The following ADCY2 variants were observed in gnomAD, a reference collection of about 807,000 sequenced individuals.
ADCY2 encodes the protein adenylate cyclase 2, also known as adenylate cyclase type 2.
A neutral mutation model predicts 125.2 loss-of-function variants in ADCY2; 31 were observed. The ratio of observed to expected loss-of-function variants is 0.25; its 90% confidence interval spans 0.19 to 0.33. The LOEUF (loss-of-function observed/expected upper bound fraction) is 0.33. Among genes scored for constraint, ADCY2 ranks in the 10% least tolerant of loss-of-function variants. The probability of loss-of-function intolerance (pLI) is 1.00; values close to 1 mark genes in which losing one functional copy is unlikely to be tolerated. For missense variants in ADCY2, 904 were observed against 1,418.2 expected (o/e 0.64, Z 5.82); for synonymous variants, 512 against 548.4 (o/e 0.93, Z 0.93).
At chr5:7,812,880 A>G (rs1021645751) in intron 22 of ADCY2, among the ~76,000 whole-genome samples, 8 of 152,190 alleles carry the variant, frequency 5.3e-5, no homozygotes, top group Non-Finnish European at 1.0e-4. Context: ...AGTGCACTCC[A>G]GCCTGGGCTA....
At chr5:7,436,010 T>C (rs1740785846) in intron 2 of ADCY2, among the ~76,000 whole-genome samples, 1 of 152,224 alleles carries the variant, frequency 6.6e-6, no homozygotes. Flanking sequence ...TTTCCATTAT[T>C]TGCAGGTTCC....
intron 7 of ADCY2, among the ~76,000 whole-genome samples, chr5:7,704,564 T>C (rs1311377155): frequency 6.6e-6 from 1 of 152,088 alleles, no homozygotes; most frequent in Non-Finnish European, 1.5e-5. Context: ...ATCATGTAAA[T>C]TGAATATACA....
chr5:7,772,573 A>C (rs1209935602), intron 17 of ADCY2, among the ~76,000 whole-genome samples: 1 of 152,232 alleles, frequency 6.6e-6, no homozygotes, highest in Non-Finnish European at 1.5e-5. Context: ...ACTTACATTT[A>C]AGGAATGTAT....
At chr5:7,523,991 T>A (rs1330976144) in intron 3 of ADCY2, among the ~76,000 whole-genome samples, 1 of 152,226 alleles carries the variant, frequency 6.6e-6, no homozygotes, top group Non-Finnish European at 1.5e-5. Flanking sequence ...ACGTAGAACT[T>A]ATCTGTTAAT....
At chr5:7,422,022 ATTT>A (rs1421098063) in intron 2 of ADCY2, among the ~76,000 whole-genome samples, 1 of 152,166 alleles carries the variant, frequency 6.6e-6, no homozygotes, top group African/African-American at 2.4e-5. Flanking sequence ...GATGTTGTTG[ATTT>A]ATCTCTGCCC....
intron 2 of ADCY2, among the ~76,000 whole-genome samples, chr5:7,452,823 G>C (rs780695178): frequency 2.3e-4 from 35 of 152,054 alleles, no homozygotes; most frequent in Non-Finnish European, 1.9e-4. Flanking sequence ...TCTCATTGTG[G>C]CTTTAATTTG....
At chr5:7,738,426 A>G (rs1742309877) in intron 14 of ADCY2, among the ~76,000 whole-genome samples, 1 of 152,066 alleles carries the variant, frequency 6.6e-6, no homozygotes. Flanking sequence ...ACAGAAAAAC[A>G]AAAATAAATG....
chr5:7,748,402 A>T (rs1257837444), intron 15 of ADCY2, among the ~76,000 whole-genome samples: 1 of 152,188 alleles, frequency 6.6e-6, no homozygotes, highest in Non-Finnish European at 1.5e-5. Context: ...GAACCTAGAG[A>T]TAACCTCATC....
chr5:7,447,654 T>C (rs1239217664), intron 2 of ADCY2, among the ~76,000 whole-genome samples: 1 of 152,080 alleles, frequency 6.6e-6, no homozygotes, highest in Non-Finnish European at 1.5e-5. Flanking sequence ...TCCTGCACAG[T>C]GAAGAGGTCG....
At chr5:7,656,313 C>A (rs566633689) in intron 4 of ADCY2, among the ~76,000 whole-genome samples, 2 of 152,194 alleles carry the variant, frequency 1.3e-5, no homozygotes, top group African/African-American at 4.8e-5. Context: ...CTCAGCCTTC[C>A]GAAGTGCTGG....
chr5:7,698,384 C>A lies in ADCY2; in HGVS notation c.1109+10C>A. The A allele has an allele frequency of 6.2e-7, 1 of 1,613,928 alleles. No homozygotes were observed. The highest frequency in any genetic ancestry group is 8.5e-7 in the Non-Finnish European group (1 of 1,179,946). On this transcript the variant is annotated intron_variant, in intron 7 of 24. Transcript: ENST00000338316. ...TGTGTGAAGCCATAAAGTAAGTGGACTGCTTAGTAAGCATTTTGTTATATG... is the reference window on the plus strand; with the variant it reads ...TGTGTGAAGCCATAAAGTAAGTGGAATGCTTAGTAAGCATTTTGTTATATG...
At chr5:7,816,488 G>A (rs996233721) in intron 22 of ADCY2, among the ~76,000 whole-genome samples, 7 of 152,196 alleles carry the variant, frequency 4.6e-5, no homozygotes, top group Admixed American at 1.3e-4. Context: ...CCAGAGCCCC[G>A]CAGAGAAAGG....
chr5:7,498,940 G>C (rs1354091366), intron 2 of ADCY2, among the ~76,000 whole-genome samples: 1 of 152,160 alleles, frequency 6.6e-6, no homozygotes, highest in Non-Finnish European at 1.5e-5. Flanking sequence ...GATATATGTT[G>C]TATGAGTCCA....
intron 14 of ADCY2, 63 bp downstream of exon 14, chr5:7,727,324 A>G (rs773728398): frequency 2.6e-5 from 35 of 1,324,452 alleles, no homozygotes; most frequent in Non-Finnish European, 3.6e-5. Flanking sequence ...GAGCCCAGTT[A>G]TATTTAAAGG....
intron 2 of ADCY2, among the ~76,000 whole-genome samples, chr5:7,454,571 G>T (rs984813106): frequency 6.6e-6 from 1 of 151,938 alleles, no homozygotes; most frequent in Non-Finnish European, 1.5e-5. Context: ...ATATAATCTG[G>T]CAAAAGATTT....
In ADCY2 at chr5:7,590,278, G is replaced by A. The variant is rs116906568; in HGVS notation, c.571-35889G>A. On this transcript the variant is annotated intron_variant, in intron 3 of 24. Coordinates refer to ENST00000338316, the MANE Select transcript of ADCY2 (RefSeq NM_020546.3). ...AATATGGGGATTATTAATTGATATT[G>A]TAAATCTTTTAGTTTTGCCATCTAA... Among the ~76,000 whole-genome samples, 43 of 152,204 alleles carry A rather than the reference G, an allele frequency of 2.8e-4. 2 individuals are homozygous for A. In the East Asian group the frequency reaches 8.3e-3, roughly 29 times the overall value.
intron 3 of ADCY2, among the ~76,000 whole-genome samples, chr5:7,591,363 A>G (rs1186253163): frequency 1.3e-5 from 2 of 152,214 alleles, no homozygotes; most frequent in Non-Finnish European, 2.9e-5. Context: ...TAAGAAAGTA[A>G]TGATCACATT....
chr5:7,620,078 G>A (rs1737905143), intron 3 of ADCY2, among the ~76,000 whole-genome samples: 1 of 152,114 alleles, frequency 6.6e-6, no homozygotes, highest in Admixed American at 6.5e-5. Context: ...AGAGCAAAGA[G>A]CACTCCAAGC....
chr5:7,469,303 A>T (rs1742245489), intron 2 of ADCY2, among the ~76,000 whole-genome samples: 1 of 151,068 alleles, frequency 6.6e-6, no homozygotes, highest in Non-Finnish European at 1.5e-5. Context: ...ATTCATTTTT[A>T]TACATTTAAA....
Sources: gnomAD v4.1 joint callset for allele counts (sites outside exome capture counted in the v4.1 genomes callset) on GRCh38, gnomAD v4.1.1 for gene constraint, MANE v1.5 for transcripts, NCBI Gene and HGNC (gene_info 2026-07-23, HGNC 2026-07-21) for gene names.